CHIA: variants seen among roughly 807,000 people sequenced by gnomAD.
CHIA encodes chitinase acidic, also known as acidic mammalian chitinase.
Under a neutral mutation model 53.5 loss-of-function variants are expected in CHIA, and 47 were observed. The ratio of observed to expected loss-of-function variants is 0.88; its 90% CI spans 0.70 to 1.12. The LOEUF (loss-of-function observed/expected upper bound fraction) is 1.12, where lower values mean the gene tolerates loss of function less well. CHIA is among the 50% of genes most tolerant of loss of function. The probability of loss-of-function intolerance (pLI) is 0.00; values close to 1 mark genes in which losing one functional copy is unlikely to be tolerated. For synonymous variants in CHIA, 268 were observed against 222.2 expected (o/e 1.21, Z -1.83); for missense variants, 652 against 592.2 (o/e 1.10, Z -1.05).
Position 111,320,350 on chromosome 1 carries a change from C to G in CHIA, c.1315C>G (p.Pro439Ala). 1.2e-6 allele frequency: 2 copies of G among 1,614,214 alleles called. No individual in the cohort carries two copies. Among genetic ancestry groups the G allele is most frequent in the Non-Finnish European group, 1.7e-6 (2 of 1,180,042 alleles). The change falls in exon 12 of 12, where the codon CCC becomes GCC. Residue 439 changes from proline to alanine, a missense_variant. By Grantham distance (27) the Pro-to-Ala change is conservative. Transcript: ENST00000369740. ...FCAVRANGLYPVANNRNAFWH... is the reference protein window; with the variant it reads ...FCAVRANGLYAVANNRNAFWH... ...TGCTGTCAGAGCCAACGGCCTCTAC[C>G]CCGTGGCAAATAACAGAAATGCCTT...
intron 5 of CHIA, 174 bp from the exon 6 acceptor site, chr1:111,315,096 A>G (rs1318266843): frequency 6.7e-6 from 4 of 600,650 alleles, no homozygotes; most frequent in Non-Finnish European, 1.2e-5. Flanking sequence ...TTAAGATACC[A>G]TGGCTGGGAA....
chr1:111,294,591 T>A (rs747005913), intron 1 of CHIA, among the ~76,000 whole-genome samples: 2 of 152,228 alleles, frequency 1.3e-5, no homozygotes, highest in African/African-American at 2.4e-5. Flanking sequence ...TGAATAGAAG[T>A]GGCAAAAGAA....
chr1:111,299,967 A>ATTTGTACAATC (rs1647572206), intron 1 of CHIA, among the ~76,000 whole-genome samples: 2 of 152,214 alleles, frequency 1.3e-5, no homozygotes, highest in African/African-American at 4.8e-5. Flanking sequence ...ATCATGAGTG[A>ATTTGTACAATC]ACTCCTATGT....
At position 111,292,929 on chromosome 1, in the gene CHIA, G is replaced by C. The variant is rs572575073; in HGVS notation, c.-69+1979G>C. The stretch of plus-strand genomic sequence containing the variant: ...TAGCAAGTCAGAATTTCCTTTTAAA[G>C]GCTGAATAATACTTTATTGTATGTA... On this transcript the variant is annotated intron_variant, in intron 1 of 11. Transcript: ENST00000369740. Among the ~76,000 whole-genome samples the C allele has an allele frequency of 2.0e-5, 3 of 152,140 alleles. No homozygotes were observed. The East Asian group carries it at 5.8e-4, about 29-fold the overall frequency.
chr1:111,310,095 G>A (rs963251030), intron 1 of CHIA, among the ~76,000 whole-genome samples: 8 of 152,150 alleles, frequency 5.3e-5, no homozygotes, highest in Non-Finnish European at 1.2e-4. Context: ...TTTCCATAAA[G>A]ACTTGCTTTG....
chr1:111,320,304 C>A lies in CHIA; in HGVS notation c.1269C>A (p.Ser423Arg). 1 of 1,614,074 alleles carries A rather than the reference C, an allele frequency of 6.2e-7. No individual in the cohort carries two copies. Among genetic ancestry groups the A allele is most frequent in the Non-Finnish European group, 8.5e-7 (1 of 1,180,040 alleles). Residue 423 changes from serine to arginine, a missense_variant, in exon 12 of 12, where the codon AGC becomes AGA. By Grantham distance (110) the Ser-to-Arg change is moderately radical (BLOSUM62 -1). Transcript: ENST00000369740. ...NGSGSSSSGGSSGGSGFCAVR... is the reference protein window; with the variant it reads ...NGSGSSSSGGRSGGSGFCAVR... Reference sequence around the variant, plus strand: ...GCGGGAGTAGCAGCTCTGGAGGCAGCTCGGGAGGCAGTGGATTCTGTGCTG... The same window carrying A: ...GCGGGAGTAGCAGCTCTGGAGGCAGATCGGGAGGCAGTGGATTCTGTGCTG...
intron 1 of CHIA, among the ~76,000 whole-genome samples, chr1:111,304,846 G>A (rs912964047): frequency 2.6e-5 from 4 of 152,124 alleles, no homozygotes; most frequent in African/African-American, 9.7e-5. Flanking sequence ...ATCTAATAAT[G>A]TGGTATCTCT....
chr1:111,295,990 C>G (rs2101601875), intron 1 of CHIA, among the ~76,000 whole-genome samples: 1 of 152,366 alleles, frequency 6.6e-6, no homozygotes, highest in Non-Finnish European at 1.5e-5. Flanking sequence ...ACCTGTGAGG[C>G]AGCAGCCTGG....
chr1:111,308,627 T>C (rs1041179194), intron 1 of CHIA, among the ~76,000 whole-genome samples: 4 of 152,212 alleles, frequency 2.6e-5, no homozygotes, highest in Non-Finnish European at 5.9e-5. Flanking sequence ...AAAATGTAAA[T>C]CCAAGTGCCC....
chr1:111,318,368 A>G, intron 8 of CHIA, 125 bp from the exon 9 acceptor site: 1 of 951,608 alleles, frequency 1.1e-6, no homozygotes, highest in Non-Finnish European at 1.6e-6. Context: ...AAATGTTTTG[A>G]AAAAAATACT....
chr1:111,303,265 A>G (rs924431375), intron 1 of CHIA, among the ~76,000 whole-genome samples: 6 of 152,038 alleles, frequency 3.9e-5, no homozygotes, highest in African/African-American at 1.2e-4. Context: ...AATTACTGAT[A>G]AAGAGGGAAT....
chr1:111,319,073 T>G, intron 9 of CHIA, 47 bp from the exon 10 acceptor site: 2 of 1,575,248 alleles, frequency 1.3e-6, no homozygotes. Context: ...TGTTTTTCTT[T>G]AATGGGAGTA....
intron 6 of CHIA, chr1:111,316,001 C>G (rs1649132102): frequency 8.3e-6 from 3 of 362,560 alleles, no homozygotes; most frequent in Non-Finnish European, 1.6e-5. Flanking sequence ...GTGATAAATG[C>G]CATGTTAGAG....
chr1:111,314,043 C>T (rs1193253510), intron 4 of CHIA, among the ~76,000 whole-genome samples: 2 of 152,146 alleles, frequency 1.3e-5, no homozygotes, highest in Admixed American at 1.3e-4. Flanking sequence ...ATTGGAATCT[C>T]AGGGGAAGGG....
Position 111,312,223 on chromosome 1 carries a change from A to G in CHIA, c.89A>G (p.Asn30Ser), listed in dbSNP as rs1316898711. Reference sequence around the variant, plus strand: ...TACCAGCTGACATGCTACTTCACCAACTGGGCCCAGTACCGGCCAGGCCTG... The same window carrying G: ...TACCAGCTGACATGCTACTTCACCAGCTGGGCCCAGTACCGGCCAGGCCTG... The part of the protein sequence containing the change: ...SAYQLTCYFT[N>S]WAQYRPGLGR... Residue 30 changes from asparagine to serine, a missense_variant, in exon 4 of 12, where the codon AAC (asparagine) becomes AGC (serine). Physicochemically the swap from Asn to Ser is conservative, Grantham distance 46 (BLOSUM62 1). Transcript: ENST00000369740. 6.2e-7 allele frequency: 1 copy of G among 1,614,002 alleles called. No individual in the cohort carries two copies. Among genetic ancestry groups the G allele is most frequent in the Non-Finnish European group, 8.5e-7 (1 of 1,179,986 alleles).
intron 1 of CHIA, among the ~76,000 whole-genome samples, chr1:111,296,974 C>T (rs1039897917): frequency 2.0e-5 from 3 of 151,984 alleles, no homozygotes; most frequent in African/African-American, 4.8e-5. Context: ...AAAGGGTATC[C>T]GTGATTGAAG....
intron 1 of CHIA, among the ~76,000 whole-genome samples, chr1:111,294,205 G>A (rs921579600): frequency 3.9e-5 from 6 of 152,134 alleles, no homozygotes; most frequent in Admixed American, 6.5e-5. Context: ...TGAACATGGG[G>A]CATGTTTCCA....
chr1:111,319,774 C>CA (rs1649507459), intron 11 of CHIA, among the ~76,000 whole-genome samples: 1 of 152,208 alleles, frequency 6.6e-6, no homozygotes, highest in Admixed American at 6.5e-5. Flanking sequence ...ATCCCTTATT[C>CA]AAAATCTTTC....
intron 1 of CHIA, among the ~76,000 whole-genome samples, chr1:111,306,030 G>A (rs1648155968): frequency 6.6e-6 from 1 of 152,186 alleles, no homozygotes. Flanking sequence ...CTTAAGATGT[G>A]AAAGACTACT....
Sources: allele counts gnomAD v4.1 joint callset (sites outside exome capture counted in the v4.1 genomes callset), GRCh38; gene constraint gnomAD v4.1.1; transcripts MANE v1.5; gene names NCBI Gene and HGNC (gene_info 2026-07-23, HGNC 2026-07-21).